Variants in ANO10 observed in about 807,000 individuals in gnomAD.
ANO10 encodes the protein anoctamin-10.
In ANO10, 77 loss-of-function variants were observed where a neutral mutation model predicts 74.7. The ratio of observed to expected loss-of-function variants is 1.03; its 90% CI spans 0.86 to 1.25. The LOEUF (loss-of-function observed/expected upper bound fraction) is 1.25. Among genes scored for constraint, ANO10 ranks in the 50% most tolerant of loss-of-function variants. The probability of loss-of-function intolerance (pLI) is 0.00; values close to 1 mark genes in which losing one functional copy is unlikely to be tolerated. For synonymous variants in ANO10, 279 were observed against 284.9 expected (o/e 0.98, Z 0.21); for missense variants, 721 against 778.1 (o/e 0.93, Z 0.87).
At chr3:43,511,236 T>C (rs6772068) in intron 11 of ANO10, among the ~76,000 whole-genome samples, 22,179 of 152,226 alleles carry the variant, frequency 0.15, 2,049 homozygotes, top group African/African-American at 0.25. Flanking sequence ...ACATTATGGT[T>C]GTTTTAGCTT....
chr3:43,465,173 T>TCAAC (rs2075561883), intron 11 of ANO10, among the ~76,000 whole-genome samples: 1 of 152,140 alleles, frequency 6.6e-6, no homozygotes, highest in Non-Finnish European at 1.5e-5. Context: ...GGATAAAAGG[T>TCAAC]CAACATAAAA....
At chr3:43,369,146 C>G (rs1223964923) in intron 12 of ANO10, among the ~76,000 whole-genome samples, 3 of 152,274 alleles carry the variant, frequency 2.0e-5, no homozygotes, top group African/African-American at 7.2e-5. Flanking sequence ...GGGTGCCCCC[C>G]ACTTGTCCTT....
At chr3:43,529,881 C>A (rs1039052973) in intron 11 of ANO10, among the ~76,000 whole-genome samples, 1 of 151,946 alleles carries the variant, frequency 6.6e-6, no homozygotes, top group African/African-American at 2.4e-5. Flanking sequence ...AACATAATAC[C>A]AGAGTATATA....
intron 12 of ANO10, among the ~76,000 whole-genome samples, chr3:43,385,608 G>C (rs1418591803): frequency 6.6e-6 from 1 of 152,084 alleles, no homozygotes; most frequent in African/African-American, 2.4e-5. Flanking sequence ...CATCCGCAGC[G>C]ACCTGGATGG....
At chr3:43,376,061 T>G (rs981392475) in intron 12 of ANO10, among the ~76,000 whole-genome samples, 10 of 152,198 alleles carry the variant, frequency 6.6e-5, no homozygotes, top group Non-Finnish European at 1.3e-4. Context: ...TCTGATGGCC[T>G]CTTGTCACCA....
intron 11 of ANO10, among the ~76,000 whole-genome samples, chr3:43,502,553 T>A (rs1387906264): frequency 1.3e-5 from 2 of 152,118 alleles, no homozygotes; most frequent in Non-Finnish European, 2.9e-5. Context: ...GATGCTTGTG[T>A]CACACTTCTT....
At chr3:43,485,284 C>G in intron 11 of ANO10, 1 of 592,460 alleles carries the variant, frequency 1.7e-6, no homozygotes. Context: ...CCTTTGCCAC[C>G]GTCGCAGACC....
At chr3:43,538,890 A>C (rs2078834835) in intron 11 of ANO10, among the ~76,000 whole-genome samples, 1 of 152,238 alleles carries the variant, frequency 6.6e-6, no homozygotes, top group African/African-American at 2.4e-5. Context: ...CAGTAAATTC[A>C]ATCCACAATC....
chr3:43,375,963 A>G (rs995223920), intron 12 of ANO10, among the ~76,000 whole-genome samples: 4 of 152,240 alleles, frequency 2.6e-5, no homozygotes, highest in African/African-American at 9.6e-5. Flanking sequence ...CTTATTACCA[A>G]CTGCACCCCA....
At chr3:43,670,939 T>C (rs995564320) in intron 1 of ANO10, among the ~76,000 whole-genome samples, 1 of 152,190 alleles carries the variant, frequency 6.6e-6, no homozygotes, top group African/African-American at 2.4e-5. Context: ...CACCAACTCA[T>C]GGGATAGTCA....
chr3:43,537,239 C>T (rs984724170), intron 11 of ANO10, among the ~76,000 whole-genome samples: 1 of 152,178 alleles, frequency 6.6e-6, no homozygotes, highest in Admixed American at 6.5e-5. Context: ...ATTGGTCTAT[C>T]AGAGAGCTCC....
chr3:43,530,496 T>C (rs1284669432), intron 11 of ANO10, among the ~76,000 whole-genome samples: 1 of 150,282 alleles, frequency 6.7e-6, no homozygotes, highest in African/African-American at 2.4e-5. Context: ...CATACACAGA[T>C]ATATAATAGG....
At position 43,411,154 on chromosome 3, in the gene ANO10, T is replaced by C. The variant is rs75982802; in HGVS notation, c.1914+21457A>G. ...TTTGATTTGCTAGTATACATAAATGTAGTGACACTGTGAGGAACTGGTCAT... is the reference window on the plus strand; with the variant it reads ...TTTGATTTGCTAGTATACATAAATGCAGTGACACTGTGAGGAACTGGTCAT... On this transcript the variant is annotated intron_variant, in intron 12 of 12. Transcript: ENST00000292246. Among the ~76,000 whole-genome samples the C allele has an allele frequency of 5.8e-3, 887 of 152,228 alleles. 5 individuals are homozygous for C. The highest frequency in any genetic ancestry group is 0.02 in the African/African-American group (842 of 41,518).
intron 4 of ANO10, among the ~76,000 whole-genome samples, chr3:43,587,707 A>G (rs1300373113): frequency 6.6e-6 from 1 of 152,194 alleles, no homozygotes; most frequent in East Asian, 1.9e-4. Flanking sequence ...GTCCTACTGA[A>G]TCAAGATCCG....
intron 10 of ANO10, among the ~76,000 whole-genome samples, chr3:43,553,799 T>G (rs1046922200): frequency 5.3e-5 from 8 of 152,200 alleles, no homozygotes; most frequent in Non-Finnish European, 8.8e-5. Context: ...CCTCCCAAAG[T>G]GCTGGGATTA....
intron 11 of ANO10, among the ~76,000 whole-genome samples, chr3:43,539,455 A>G (rs1486745976): frequency 6.6e-6 from 1 of 152,198 alleles, no homozygotes; most frequent in Non-Finnish European, 1.5e-5. Flanking sequence ...ATCTGAAAGG[A>G]AAGTTAACTG....
chr3:43,641,980 T>C (rs1323321866), intron 1 of ANO10, among the ~76,000 whole-genome samples: 1 of 152,160 alleles, frequency 6.6e-6, no homozygotes, highest in Non-Finnish European at 1.5e-5. Context: ...GAAAATAAAC[T>C]GTAGACTCAT....
chr3:43,551,358 T>A (rs547824098), intron 10 of ANO10: 1 of 354,148 alleles, frequency 2.8e-6, no homozygotes, highest in Admixed American at 3.6e-5. Context: ...AATATGTTTG[T>A]AACTAAACTT....
intron 10 of ANO10, among the ~76,000 whole-genome samples, chr3:43,550,811 G>A (rs1026159156): frequency 6.6e-6 from 1 of 152,086 alleles, no homozygotes; most frequent in Admixed American, 6.5e-5. Flanking sequence ...ACATAGTGAA[G>A]AGTGTCTTTT....
Sources: allele counts gnomAD v4.1 joint callset (sites outside exome capture counted in the v4.1 genomes callset), GRCh38; gene constraint gnomAD v4.1.1; transcripts MANE v1.5; gene names NCBI Gene and HGNC (gene_info 2026-07-23, HGNC 2026-07-21).